FRZB: variants seen among roughly 807,000 people sequenced by gnomAD.
FRZB encodes the protein secreted frizzled-related protein 3.
Under a neutral mutation model 32.5 loss-of-function variants are expected in FRZB, and 34 were observed. That is an observed-to-expected ratio of 1.05 (90% CI 0.80 to 1.39). The LOEUF (loss-of-function observed/expected upper bound fraction) is 1.39, where lower values mean the gene tolerates loss of function less well. FRZB is among the 40% of genes most tolerant of loss of function. The pLI is 0.00. For synonymous variants in FRZB, 170 were observed against 159.2 expected (o/e 1.07, Z -0.51); for missense variants, 423 against 424.8 (o/e 1.00, Z 0.04).
Position 182,836,394 on chromosome 2 carries a change from A to G in FRZB, c.862-1429T>C, listed in dbSNP as rs778205963. Among the ~76,000 whole-genome samples, 100 of 152,096 alleles carry G rather than the reference A, an allele frequency of 6.6e-4. 1 individual carries two copies. Among genetic ancestry groups the G allele is most frequent in the Non-Finnish European group, 4.0e-4 (27 of 67,998 alleles). On this transcript the variant is annotated intron_variant, in intron 5 of 5. Transcript: ENST00000295113. ...TTTCTACCCAAACTCTTTAGCCCTC[A>G]ATATCTGCATATGAATTTAAAATTG...
Position 182,837,970 on chromosome 2 carries a change from T to A in FRZB, c.839A>T (p.Asp280Val). Reference protein sequence around the residue: ...VEGSIAEKWKDRLGKKVKRWD... With the variant: ...VEGSIAEKWKVRLGKKVKRWD... ...TACCTTAACTTTTTTACCGAGTCGA[T>A]CCTTCCACTTCTCAGCTATAGAGCC... Residue 280 changes from aspartate (D) to valine (V), a missense_variant, in exon 5 of 6, where the codon GAT (aspartate) becomes GTT (valine). Asp to Val is a radical substitution (Grantham distance 152). Transcript: ENST00000295113. 6.2e-7 allele frequency: 1 copy of A among 1,612,142 alleles called. No homozygotes were observed.
chr2:182,841,427 T>C (rs1367248025), intron 3 of FRZB, among the ~76,000 whole-genome samples: 1 of 152,158 alleles, frequency 6.6e-6, no homozygotes. Flanking sequence ...TCCTATATAC[T>C]TTAAAATAGT....
At chr2:182,841,128 C>T (rs1409605400) in intron 3 of FRZB, among the ~76,000 whole-genome samples, 2 of 152,014 alleles carry the variant, frequency 1.3e-5, no homozygotes, top group Non-Finnish European at 2.9e-5. Context: ...TGACTTCTTA[C>T]ATAAACATAA....
At chr2:182,854,022 T>C (rs1210142658) in intron 2 of FRZB, among the ~76,000 whole-genome samples, 2 of 152,172 alleles carry the variant, frequency 1.3e-5, no homozygotes, top group Non-Finnish European at 1.5e-5. Flanking sequence ...ATGAAAAGCA[T>C]AGGAAGTCAC....
Position 182,834,933 on chromosome 2 carries a change from G to C in FRZB, c.894C>G (p.Leu298=). Residue 298 remains leucine (L), a synonymous_variant, in exon 6 of 6, where the codon CTC becomes CTG. Transcript: ENST00000295113. The stretch of plus-strand genomic sequence containing the variant: ...CACTATTGCTAGAATCACTTTTACT[G>C]AGTCCAAGATGACGAAGCTTCATAT... ...RWDMKLRHLG[L]SKSDSSNSDS... is the part of the protein sequence containing the mutation. 6.2e-7 allele frequency: 1 copy of C among 1,613,226 alleles called. No homozygotes were observed.
At chr2:182,841,799 G>C (rs1045138386) in intron 3 of FRZB, among the ~76,000 whole-genome samples, 1 of 152,010 alleles carries the variant, frequency 6.6e-6, no homozygotes, top group East Asian at 1.9e-4. Context: ...ATATCTCATG[G>C]GGCAGCTGAG....
At chr2:182,858,183 C>T (rs1216441636) in intron 2 of FRZB, among the ~76,000 whole-genome samples, 3 of 152,136 alleles carry the variant, frequency 2.0e-5, no homozygotes, top group Non-Finnish European at 4.4e-5. Flanking sequence ...CTTACATTCC[C>T]ACAAAAACCT....
chr2:182,860,945 C>G (rs1240704952), intron 1 of FRZB, among the ~76,000 whole-genome samples: 8 of 150,830 alleles, frequency 5.3e-5, no homozygotes, highest in Admixed American at 2.6e-4. Context: ...ATAGAAAATA[C>G]TAGAAAGAAA....
At chr2:182,847,866 A>T (rs1221535108) in intron 2 of FRZB, among the ~76,000 whole-genome samples, 3 of 152,170 alleles carry the variant, frequency 2.0e-5, no homozygotes, top group Admixed American at 1.3e-4. Flanking sequence ...AAGTGAAACC[A>T]GTCACCTCAG....
intron 1 of FRZB, among the ~76,000 whole-genome samples, chr2:182,864,872 G>T (rs1302718039): frequency 1.3e-5 from 2 of 152,072 alleles, no homozygotes; most frequent in African/African-American, 2.4e-5. Flanking sequence ...CAGAGTTGTT[G>T]GGGGGTGGGG....
At position 182,866,314 on chromosome 2, in the gene FRZB, C is replaced by A; in HGVS notation, c.239G>T (p.Cys80Phe). 6.2e-7 allele frequency: 1 copy of A among 1,614,248 alleles called. No individual in the cohort carries two copies. Among genetic ancestry groups the A allele is most frequent in the South Asian group, 1.1e-5 (1 of 91,090 alleles). The change falls in exon 1 of 6, where the codon TGC (cysteine) becomes TTC (phenylalanine). Residue 80 changes from cysteine (C) to phenylalanine (F), a missense_variant. Transcript: ENST00000295113. The surrounding 1 kb of genome is among the most constrained non-coding windows in gnomAD (Gnocchi z 4.5). ...GAGGAAGAAGAGCAGATCGGGGCTG[C>A]AGTGGGTGCCCAGCAGACCTTCGAA... ...EQFEGLLGTH[C>F]SPDLLFFLCA...
chr2:182,858,726 A>C, intron 2 of FRZB, 60 bp downstream of exon 2: 1 of 1,338,456 alleles, frequency 7.5e-7, no homozygotes. Flanking sequence ...TAAGTATCTA[A>C]ATTACATCAA....
chr2:182,866,138 G>A lies in FRZB; in HGVS notation c.415C>T (p.Leu139=). 6.2e-7 allele frequency: 1 copy of A among 1,614,096 alleles called. No homozygotes were observed. ...CACACGCCCCTGTCGTACACTGGCA[G>A]CTCCTCGCAGGCCAGGTTCTCCGGC... The part of the protein sequence containing the change: ...SWPENLACEE[L]PVYDRGVCIS... Residue 139 remains leucine, a synonymous_variant, in exon 1 of 6, where the codon CTG becomes TTG. Coordinates refer to ENST00000295113, the MANE Select transcript of FRZB (RefSeq NM_001463.4). The surrounding 1 kb of genome is among the most constrained non-coding windows in gnomAD (Gnocchi z 4.5).
intron 3 of FRZB, among the ~76,000 whole-genome samples, 156 bp downstream of exon 3, chr2:182,842,322 C>T (rs1371251833): frequency 2.0e-5 from 3 of 152,062 alleles, no homozygotes; most frequent in African/African-American, 4.8e-5. Flanking sequence ...TTTAATTGGT[C>T]GGGGCAGAGG....
chr2:182,842,627 T>C, intron 2 of FRZB, 84 bp from the exon 3 acceptor site: 1 of 1,033,248 alleles, frequency 9.7e-7, no homozygotes, highest in South Asian at 1.4e-5. Context: ...TTGCTCAGAC[T>C]AGATCTCAAT....
intron 2 of FRZB, among the ~76,000 whole-genome samples, chr2:182,852,942 G>C (rs372747461): frequency 4.6e-5 from 7 of 152,214 alleles, no homozygotes; most frequent in African/African-American, 1.7e-4. Flanking sequence ...CCAAATTCCA[G>C]ACAGAAACAG....
intron 2 of FRZB, among the ~76,000 whole-genome samples, chr2:182,846,721 A>T (rs1235905634): frequency 6.6e-6 from 1 of 152,190 alleles, no homozygotes; most frequent in East Asian, 1.9e-4. Context: ...TAAAAAATAA[A>T]ATTTTATAAT....
intron 1 of FRZB, among the ~76,000 whole-genome samples, chr2:182,862,926 T>A (rs1277248112): frequency 6.6e-6 from 1 of 151,918 alleles, no homozygotes; most frequent in African/African-American, 2.4e-5. Flanking sequence ...CGCACCACCA[T>A]CCCAGGCTAA....
intron 1 of FRZB, among the ~76,000 whole-genome samples, chr2:182,862,907 C>T (rs1277772849): frequency 2.0e-5 from 3 of 151,958 alleles, no homozygotes; most frequent in East Asian, 1.9e-4. Context: ...GTAGCTGGGA[C>T]GACAGGCACG....
Sources: gnomAD v4.1 joint callset for allele counts (sites outside exome capture counted in the v4.1 genomes callset) on GRCh38, gnomAD v4.1.1 for gene constraint, Gnocchi (gnomAD v3.1) non-coding constraint, MANE v1.5 for transcripts, NCBI Gene and HGNC (gene_info 2026-07-23, HGNC 2026-07-21) for gene names.